Variants in CCDC192 observed in about 807,000 individuals in gnomAD.
The protein encoded by CCDC192 is coiled-coil domain containing 192.
At chr5:127,875,085 T>C (rs77554943) in intron 5 of CCDC192, among the ~76,000 whole-genome samples, 86 of 152,298 alleles carry the variant, frequency 5.6e-4, no homozygotes, top group African/African-American at 1.9e-3. Flanking sequence ...TATCACACTT[T>C]AGAGTGTATT....
intron 2 of CCDC192, among the ~76,000 whole-genome samples, chr5:127,724,562 A>G (rs142339133): frequency 0.013 from 2,029 of 152,304 alleles, 20 homozygotes; most frequent in Non-Finnish European, 0.022. Flanking sequence ...TTTAAAAAAA[A>G]AGTCTAGGCC....
rs567222125 is a variant in CCDC192, at chr5:127,832,379, C to G, written c.411+34217C>G. ...TGTGTCCTCTATCTGTGCAATCCCA[C>G]TTCTGTGTATGTAACCTGAAGAAAC... On this transcript the variant is annotated intron_variant, in intron 5 of 6. Coordinates refer to ENST00000514853, the MANE Select transcript of CCDC192 (RefSeq NM_001317938.2). 5.9e-5 allele frequency among the ~76,000 whole-genome samples: 9 copies of G among 152,320 alleles called. No homozygotes were observed. The East Asian group carries it at 1.7e-3, about 29-fold the overall frequency.
chr5:127,883,340 C>T (rs1362177987), intron 6 of CCDC192, among the ~76,000 whole-genome samples: 1 of 152,180 alleles, frequency 6.6e-6, no homozygotes, highest in African/African-American at 2.4e-5. Context: ...GACCAATACA[C>T]ACCAGCAATT....
At chr5:127,897,073 A>T (rs1354998206) in intron 6 of CCDC192, among the ~76,000 whole-genome samples, 1 of 150,014 alleles carries the variant, frequency 6.7e-6, no homozygotes, top group Non-Finnish European at 1.5e-5. Flanking sequence ...TTTTTTTTTT[A>T]AAGGTTTTAT....
intron 6 of CCDC192, among the ~76,000 whole-genome samples, chr5:127,887,093 C>T (rs1225600558): frequency 1.3e-5 from 2 of 151,852 alleles, no homozygotes; most frequent in Non-Finnish European, 2.9e-5. Flanking sequence ...TTTGGGAGGC[C>T]GAGGCAGGCT....
At chr5:127,757,526 C>T (rs982556466) in intron 3 of CCDC192, among the ~76,000 whole-genome samples, 1 of 151,890 alleles carries the variant, frequency 6.6e-6, no homozygotes, top group South Asian at 2.1e-4. Context: ...AACATAAAAA[C>T]TTTAAGAACA....
At chr5:127,816,703 T>C (rs1042888237) in intron 5 of CCDC192, among the ~76,000 whole-genome samples, 3 of 152,344 alleles carry the variant, frequency 2.0e-5, no homozygotes, top group African/African-American at 7.2e-5. Flanking sequence ...GCTATTCTTA[T>C]CTGAATTCTG....
chr5:127,936,577 C>A (rs889018488), intron 6 of CCDC192, among the ~76,000 whole-genome samples: 6 of 83,892 alleles, frequency 7.2e-5, no homozygotes, highest in Non-Finnish European at 1.5e-4. Flanking sequence ...TATTTTAAGT[C>A]ATAGAAGAAA....
chr5:127,731,953 A>G (rs1400799507), intron 2 of CCDC192, among the ~76,000 whole-genome samples: 1 of 152,224 alleles, frequency 6.6e-6, no homozygotes, highest in Non-Finnish European at 1.5e-5. Flanking sequence ...TGTAGCAAAG[A>G]TTTAATGACT....
intron 5 of CCDC192, among the ~76,000 whole-genome samples, chr5:127,867,275 A>G (rs1286949167): frequency 6.6e-6 from 1 of 152,230 alleles, no homozygotes; most frequent in Non-Finnish European, 1.5e-5. Context: ...TCTGGAAGAC[A>G]GCTTCAGTCA....
chr5:127,896,734 C>G (rs112755362), intron 6 of CCDC192, among the ~76,000 whole-genome samples: 322 of 152,348 alleles, frequency 2.1e-3, no homozygotes, highest in African/African-American at 7.4e-3. Flanking sequence ...GCGTGAGCCA[C>G]TGTGCCCAGC....
At chr5:127,902,809 G>A (rs1479618716) in intron 6 of CCDC192, among the ~76,000 whole-genome samples, 1 of 152,184 alleles carries the variant, frequency 6.6e-6, no homozygotes, top group East Asian at 1.9e-4. Flanking sequence ...AGCTTGTGAA[G>A]TACCCTAGTG....
intron 6 of CCDC192, among the ~76,000 whole-genome samples, chr5:127,886,759 T>G (rs1274064993): frequency 1.3e-5 from 2 of 152,202 alleles, no homozygotes; most frequent in East Asian, 1.9e-4. Context: ...TGTATGTGAA[T>G]TTTTAACTGT....
chr5:127,768,734 C>T (rs960698450), intron 3 of CCDC192, among the ~76,000 whole-genome samples: 3 of 152,172 alleles, frequency 2.0e-5, no homozygotes, highest in Admixed American at 2.0e-4. Flanking sequence ...ACATAAAAGT[C>T]TCTTCTGTCT....
chr5:127,890,542 C>T (rs1474084448), intron 6 of CCDC192, among the ~76,000 whole-genome samples: 1 of 151,722 alleles, frequency 6.6e-6, no homozygotes, highest in Non-Finnish European at 1.5e-5. Context: ...CCATCTAGAG[C>T]TTCGTTATCT....
At chr5:127,738,009 C>T (rs1357185653) in intron 2 of CCDC192, among the ~76,000 whole-genome samples, 1 of 151,512 alleles carries the variant, frequency 6.6e-6, no homozygotes, top group Non-Finnish European at 1.5e-5. Context: ...TTAGTTGATG[C>T]AGTTTCTTCC....
At chr5:127,738,312 A>G (rs1238109492) in intron 2 of CCDC192, among the ~76,000 whole-genome samples, 2 of 129,694 alleles carry the variant, frequency 1.5e-5, no homozygotes, top group Non-Finnish European at 3.2e-5. Context: ...TGTTAGTCTG[A>G]TGGGCTTCCC....
At position 127,787,438 on chromosome 5, in the gene CCDC192, C is replaced by T. The variant is rs779107325; in HGVS notation, c.223-9665C>T. 4.1e-4 allele frequency among the ~76,000 whole-genome samples: 62 copies of T among 152,194 alleles called. 1 individual carries two copies. Among genetic ancestry groups the T allele is most frequent in the Non-Finnish European group, 7.8e-4 (53 of 68,036 alleles). ...GTTTTTGTATGCTATGTTTTGTCTT[C>T]ATTTGTTTCTAAATATTTTTTAATT... On this transcript the variant is annotated intron_variant, in intron 3 of 6. Transcript: ENST00000514853.
intron 3 of CCDC192, chr5:127,786,015 A>G (rs959357684): frequency 1.7e-6 from 1 of 600,442 alleles, no homozygotes; most frequent in Non-Finnish European, 3.1e-6. Context: ...GACCCTGATT[A>G]TGAATCTGTG....
Sources: gnomAD v4.1 joint callset for allele counts (sites outside exome capture counted in the v4.1 genomes callset) on GRCh38, gnomAD v4.1.1 for gene constraint, MANE v1.5 for transcripts, NCBI Gene and HGNC (gene_info 2026-07-23, HGNC 2026-07-21) for gene names.